Variants in OR1L8 observed in about 807,000 individuals in gnomAD.
OR1L8 encodes the protein olfactory receptor 1L8.
For missense variants in OR1L8, 330 were observed against 377.4 expected (o/e 0.87, Z 1.04); for synonymous variants, 148 against 147.0 (o/e 1.01, Z -0.05).
chr9:122,553,608 C>G, the OR1L8 span: 1 of 1,614,020 alleles, frequency 6.2e-7, no homozygotes, highest in African/African-American at 1.3e-5. Flanking sequence ...CTGCCAACCA[C>G]TCCATTACAG....
Position 122,567,678 on chromosome 9 carries a change from T to C in OR1L8, c.800A>G (p.Tyr267Cys). Reference protein sequence around the residue: ...FCVYLQPPSTYAVKDHVATIV... With the variant: ...FCVYLQPPSTCAVKDHVATIV... ...TGTTGCCACGTGGTCCTTGACAGCG[T>C]AGGTGGATGGGGGCTGTAAATAGAC... The change falls in exon 5 of 5, where the codon TAC becomes TGC. Residue 267 changes from tyrosine to cysteine, a missense_variant. Coordinates refer to ENST00000641027, the MANE Select transcript of OR1L8 (RefSeq NM_001004454.2). 6.2e-7 allele frequency: 1 copy of C among 1,614,004 alleles called. No homozygotes were observed. Among genetic ancestry groups the C allele is most frequent in the Non-Finnish European group, 8.5e-7 (1 of 1,179,974 alleles).
downstream of OR1L8, among the ~76,000 whole-genome samples, chr9:122,562,599 C>G (rs988442285): frequency 6.6e-5 from 10 of 151,764 alleles, no homozygotes; most frequent in Middle Eastern, 3.2e-3. Context: ...AGGTGGGCTG[C>G]CACACCACAC....
chr9:122,547,430 G>A, the OR1L8 span, among the ~76,000 whole-genome samples: 1 of 152,092 alleles, frequency 6.6e-6, no homozygotes, highest in African/African-American at 2.4e-5. Context: ...TTTGTTACCT[G>A]TAAATATTGC....
chr9:122,569,449 T>C (rs547253808), intron 4 of OR1L8, among the ~76,000 whole-genome samples: 290 of 79,662 alleles, frequency 3.6e-3, no homozygotes, highest in African/African-American at 0.013. Flanking sequence ...AAAAAAACTC[T>C]GCAATGAGAA....
chr9:122,563,694 A>G (rs904242896), downstream of OR1L8, among the ~76,000 whole-genome samples: 4 of 152,348 alleles, frequency 2.6e-5, no homozygotes, highest in East Asian at 3.9e-4. Context: ...AGCCAGATCA[A>G]TGTCATAAAG....
chr9:122,568,340 G>C lies in OR1L8; in HGVS notation c.138C>G (p.Ile46Met), dbSNP rs752852278. Residue 46 changes from isoleucine to methionine, a missense_variant, in exon 5 of 5, where the codon ATC (isoleucine) becomes ATG (methionine). By Grantham distance (10) the Ile-to-Met change is conservative. Coordinates refer to ENST00000641027, the MANE Select transcript of OR1L8 (RefSeq NM_001004454.2). ...GGGGGTTGAAGCGAATGGCCAGGAT[G>C]ATGAGCAGGTTCCCTGTTATGGTGA... ...YLVTITGNLLIILAIRFNPHL... is the reference protein window; with the variant it reads ...YLVTITGNLLMILAIRFNPHL... 2 of 1,614,136 alleles carry C rather than the reference G, an allele frequency of 1.2e-6. No individual in the cohort carries two copies. The highest frequency in any genetic ancestry group is 1.3e-5 in the African/African-American group (1 of 75,044).
the OR1L8 span, chr9:122,554,089 A>C: frequency 1.9e-6 from 3 of 1,613,566 alleles, no homozygotes; most frequent in South Asian, 3.3e-5. Context: ...CCATTCATTT[A>C]TAGCTTGAGG....
chr9:122,572,157 G>A (rs1829566034), intron 4 of OR1L8, among the ~76,000 whole-genome samples: 1 of 152,176 alleles, frequency 6.6e-6, no homozygotes, highest in South Asian at 2.1e-4. Flanking sequence ...TAGCACCAGT[G>A]ACAGTGCTAA....
At chr9:122,562,451 G>A (rs1829368676), downstream of OR1L8, among the ~76,000 whole-genome samples, 1 of 152,196 alleles carries the variant, frequency 6.6e-6, no homozygotes, top group Non-Finnish European at 1.5e-5. Flanking sequence ...CTGGTGGCAG[G>A]GGCTCTCAAG....
At chr9:122,575,831 A>G (rs1222209876) in intron 3 of OR1L8, among the ~76,000 whole-genome samples, 4 of 152,224 alleles carry the variant, frequency 2.6e-5, no homozygotes, top group Admixed American at 2.6e-4. Context: ...CATGTTGTAC[A>G]TTAGATCTCT....
the OR1L8 span, chr9:122,553,268 A>T: frequency 1.1e-4 from 172 of 1,613,458 alleles, no homozygotes; most frequent in Admixed American, 3.5e-4. Context: ...TCCTTCTAGG[A>T]CTCTCTGAGT....
chr9:122,582,076 C>T lies in OR1L8; in HGVS notation c.-600+1245G>A, dbSNP rs77796429. Among the ~76,000 whole-genome samples, 139 of 152,258 alleles carry T rather than the reference C, an allele frequency of 9.1e-4. 1 individual carries two copies. The highest frequency in any genetic ancestry group is 2.9e-3 in the African/African-American group (120 of 41,552). On this transcript the variant is annotated intron_variant, in intron 1 of 4. Transcript: ENST00000641027. ...GCTAGGACCACTGAAGGACTAAGCT[C>T]ATAGTGTAAGAATTATTTTTTTTAA...
downstream of OR1L8, among the ~76,000 whole-genome samples, chr9:122,562,399 C>T (rs1226210726): frequency 6.6e-6 from 1 of 152,230 alleles, no homozygotes; most frequent in Non-Finnish European, 1.5e-5. Flanking sequence ...AGCTGAGTGG[C>T]TATTGAGAAT....
At chr9:122,548,949 C>T in the OR1L8 span, among the ~76,000 whole-genome samples, 1,055 of 152,082 alleles carry the variant, frequency 6.9e-3, 12 homozygotes, top group African/African-American at 0.025. Flanking sequence ...ATTTCTTTTG[C>T]TGTGCAGAAG....
chr9:122,575,374 C>T (rs993520320), intron 3 of OR1L8, among the ~76,000 whole-genome samples: 4 of 151,956 alleles, frequency 2.6e-5, no homozygotes, highest in Non-Finnish European at 5.9e-5. Context: ...TTTATAGATA[C>T]AGTTCTATCA....
In OR1L8 at chr9:122,580,170, GA is replaced by G. The variant is rs199708209; in HGVS notation, c.-599-1726del. Among the ~76,000 whole-genome samples, 24 of 147,994 alleles carry G rather than the reference GA, an allele frequency of 1.6e-4. 1 individual carries two copies. The highest frequency in any genetic ancestry group is 2.7e-4 in the Admixed American group (4 of 14,872). Reference sequence around the variant, plus strand: ...AACTGGACAATGAAAATCTGCTGCAGAAAAAAAAAATGTTCCAAGAATATTT... The same window carrying G: ...AACTGGACAATGAAAATCTGCTGCAGAAAAAAAAATGTTCCAAGAATATTT... On this transcript the variant is annotated intron_variant, in intron 1 of 4. Coordinates refer to ENST00000641027, the MANE Select transcript of OR1L8 (RefSeq NM_001004454.2).
chr9:122,548,803 T>TTTG, the OR1L8 span, among the ~76,000 whole-genome samples: 32,613 of 140,056 alleles, frequency 0.23, 3,878 homozygotes, highest in Middle Eastern at 0.29. Flanking sequence ...TCCTGTGTGT[T>TTTG]TTGTTGTTGT....
the OR1L8 span, among the ~76,000 whole-genome samples, chr9:122,555,513 C>T: frequency 6.6e-6 from 1 of 152,150 alleles, no homozygotes; most frequent in Non-Finnish European, 1.5e-5. Context: ...AATAATATCT[C>T]TCCTCTTTGG....
At chr9:122,551,929 G>GT in the OR1L8 span, among the ~76,000 whole-genome samples, 2 of 152,018 alleles carry the variant, frequency 1.3e-5, no homozygotes, top group South Asian at 2.1e-4. Context: ...AGGTCTCAGA[G>GT]TTTTTTATTA....
Sources: allele counts gnomAD v4.1 joint callset (sites outside exome capture counted in the v4.1 genomes callset), GRCh38; gene constraint gnomAD v4.1.1; transcripts MANE v1.5; gene names NCBI Gene and HGNC (gene_info 2026-07-23, HGNC 2026-07-21).